FAM168A: variants seen among roughly 807,000 people sequenced by gnomAD.
FAM168A encodes protein FAM168A.
FAM168A carries 3 observed loss-of-function variants against 28.5 expected under a neutral mutation model. The ratio of observed to expected loss-of-function variants is 0.11; its 90% CI spans 0.05 to 0.27. FAM168A has a LOEUF of 0.27. Ranked by LOEUF, FAM168A falls within the 10% of genes least tolerant of loss-of-function variation. FAM168A has a pLI of 1.00. For synonymous variants in FAM168A, 122 were observed against 124.2 expected (o/e 0.98, Z 0.12); for missense variants, 222 against 311.5 (o/e 0.71, Z 2.16).
At chr11:73,434,345 T>A (rs1867051457) in intron 2 of FAM168A, among the ~76,000 whole-genome samples, 1 of 151,860 alleles carries the variant, frequency 6.6e-6, no homozygotes, top group Non-Finnish European at 1.5e-5. Context: ...AAAGAGAAAA[T>A]GGGCAAAGTA....
At chr11:73,547,666 T>C (rs1327364188) in intron 1 of FAM168A, among the ~76,000 whole-genome samples, 2 of 152,034 alleles carry the variant, frequency 1.3e-5, no homozygotes, top group African/African-American at 4.8e-5. Context: ...AGAGTGAGAC[T>C]CCATCTCTTA....
intron 2 of FAM168A, among the ~76,000 whole-genome samples, chr11:73,454,325 A>T (rs1867487383): frequency 6.6e-6 from 1 of 152,224 alleles, no homozygotes; most frequent in African/African-American, 2.4e-5. Flanking sequence ...TAAACAACTC[A>T]CATAAGCCCC....
chr11:73,516,055 C>T (rs999263587), intron 1 of FAM168A, among the ~76,000 whole-genome samples: 19 of 149,838 alleles, frequency 1.3e-4, no homozygotes, highest in Middle Eastern at 6.9e-3. Flanking sequence ...GAGCCGAGAT[C>T]GTGCCACTGC....
chr11:73,419,979 C>A lies in FAM168A; in HGVS notation c.172G>T (p.Ala58Ser), dbSNP rs759375117. ...CAGGAAGACGAGTTCTGTGGCCAGGCCTGTTTCATCAGCAGAGTTGCTTAA... is the reference window on the plus strand; with the variant it reads ...CAGGAAGACGAGTTCTGTGGCCAGGACTGTTTCATCAGCAGAGTTGCTTAA... The part of the protein sequence containing the change: ...YAPATLLMKQ[A>S]WPQNSSSCGT... Residue 58 changes from alanine to serine, a missense_variant, in exon 4 of 8, where the codon GCC becomes TCC. Coordinates refer to ENST00000356467, the MANE Select transcript of FAM168A (RefSeq NM_015159.3). 2 of 1,613,604 alleles carry A rather than the reference C, an allele frequency of 1.2e-6. No individual in the cohort carries two copies. The highest frequency in any genetic ancestry group is 1.7e-6 in the Non-Finnish European group (2 of 1,179,792).
intron 1 of FAM168A, among the ~76,000 whole-genome samples, chr11:73,563,040 A>C (rs1943977479): frequency 6.6e-6 from 1 of 152,152 alleles, no homozygotes; most frequent in Non-Finnish European, 1.5e-5. Flanking sequence ...TGTATCTTTT[A>C]TTATTATTTA....
At chr11:73,572,221 C>T (rs1307746107) in intron 1 of FAM168A, among the ~76,000 whole-genome samples, 6 of 150,894 alleles carry the variant, frequency 4.0e-5, no homozygotes, top group East Asian at 2.0e-4. Context: ...GGTCAGCCCC[C>T]GCCCGGCCAG....
At chr11:73,438,125 TCATCATCATCAC>T (rs1397915976) in intron 2 of FAM168A, among the ~76,000 whole-genome samples, 2 of 152,314 alleles carry the variant, frequency 1.3e-5, no homozygotes, top group East Asian at 3.9e-4. Flanking sequence ...ATCGTCATCA[TCATCATCATCAC>T]CATCATCATC....
intron 1 of FAM168A, among the ~76,000 whole-genome samples, chr11:73,578,473 G>A (rs1182378553): frequency 6.6e-6 from 1 of 152,090 alleles, no homozygotes; most frequent in Non-Finnish European, 1.5e-5. Flanking sequence ...AAGCTGTTTA[G>A]GAGAAAATAC....
At chr11:73,506,498 T>C (rs766762034) in intron 1 of FAM168A, among the ~76,000 whole-genome samples, 11 of 152,118 alleles carry the variant, frequency 7.2e-5, no homozygotes, top group Non-Finnish European at 1.6e-4. Flanking sequence ...GCTCATGAAA[T>C]CCCTGTGAAA....
intron 1 of FAM168A, among the ~76,000 whole-genome samples, chr11:73,503,190 A>G (rs1855044565): frequency 6.6e-6 from 1 of 152,230 alleles, no homozygotes; most frequent in African/African-American, 2.4e-5. Context: ...ATATTCAAAT[A>G]GGAAGAGAGG....
At chr11:73,497,751 G>A (rs572443159) in intron 1 of FAM168A, among the ~76,000 whole-genome samples, 3 of 152,096 alleles carry the variant, frequency 2.0e-5, no homozygotes, top group East Asian at 1.9e-4. Context: ...GGGGCCTGTC[G>A]TTGGGTGGGG....
chr11:73,592,821 G>A (rs117059252), intron 1 of FAM168A, among the ~76,000 whole-genome samples: 2,021 of 151,622 alleles, frequency 0.013, 38 homozygotes, highest in Non-Finnish European at 0.016. Context: ...TTGGGAGGCC[G>A]AGGAAGGAGG....
At chr11:73,446,482 C>T (rs566117624) in intron 2 of FAM168A, among the ~76,000 whole-genome samples, 1 of 152,232 alleles carries the variant, frequency 6.6e-6, no homozygotes, top group Admixed American at 6.5e-5. Context: ...AGAAAATTAC[C>T]TGAGCAACAT....
chr11:73,448,464 A>G (rs1321205902), intron 2 of FAM168A, among the ~76,000 whole-genome samples: 1 of 152,224 alleles, frequency 6.6e-6, no homozygotes, highest in East Asian at 1.9e-4. Flanking sequence ...CAACTAGAGA[A>G]GCTAATTTAC....
chr11:73,433,771 A>T (rs1166823135), intron 2 of FAM168A, among the ~76,000 whole-genome samples: 1 of 151,900 alleles, frequency 6.6e-6, no homozygotes, highest in Non-Finnish European at 1.5e-5. Context: ...TAACCTAAGT[A>T]AATCTCTGAC....
At position 73,459,580 on chromosome 11, in the gene FAM168A, G is replaced by A. The variant is rs540799916; in HGVS notation, c.70+8825C>T. Among the ~76,000 whole-genome samples, 4 of 152,024 alleles carry A rather than the reference G, an allele frequency of 2.6e-5. No homozygotes were observed. In the East Asian group the frequency reaches 7.7e-4, roughly 29 times the overall value. ...CACATTTTGTTTTTAAAAGTCAAAT[G>A]TCCTGAGCAAAGCAGCTGCCACTCA... On this transcript the variant is annotated intron_variant, in intron 2 of 7. Coordinates refer to ENST00000356467, the MANE Select transcript of FAM168A (RefSeq NM_015159.3).
chr11:73,583,868 T>C (rs977323172), intron 1 of FAM168A, among the ~76,000 whole-genome samples: 2 of 152,132 alleles, frequency 1.3e-5, no homozygotes, highest in Non-Finnish European at 2.9e-5. Context: ...GATACCATAT[T>C]GGGAAACCTG....
chr11:73,526,118 T>G (rs1306015405), intron 1 of FAM168A, among the ~76,000 whole-genome samples: 1 of 152,098 alleles, frequency 6.6e-6, no homozygotes, highest in Non-Finnish European at 1.5e-5. Flanking sequence ...ACCATGTATA[T>G]CAAAAGAATT....
At position 73,409,545 on chromosome 11, in the gene FAM168A, C is replaced by T. The variant is rs767930955; in HGVS notation, c.537G>A (p.Pro179=). The T allele has an allele frequency of 9.3e-6, 15 of 1,613,878 alleles. No homozygotes were observed. In the East Asian group the frequency reaches 2.5e-4, roughly 26 times the overall value. Residue 179 remains proline, a synonymous_variant, in exon 6 of 8, where the codon CCG becomes CCA. Coordinates refer to ENST00000356467, the MANE Select transcript of FAM168A (RefSeq NM_015159.3). ...SAIYPAPVAA[P]RTNGVAMGMV... is the part of the protein sequence containing the mutation. ...TGCCCATGGCCACACCGTTGGTCCT[C>T]GGGGCGGCAACAGGTGCTGGGTAGA...
Sources: allele counts gnomAD v4.1 joint callset (sites outside exome capture counted in the v4.1 genomes callset), GRCh38; gene constraint gnomAD v4.1.1; transcripts MANE v1.5; gene names NCBI Gene and HGNC (gene_info 2026-07-23, HGNC 2026-07-21).